Variants in FTCDNL1 observed in about 807,000 individuals in gnomAD.
The protein encoded by FTCDNL1 is formiminotransferase cyclodeaminase N-terminal like.
Under a neutral mutation model 5.9 loss-of-function variants are expected in FTCDNL1, and 11 were observed. That is an observed-to-expected ratio of 1.87 (90% CI 1.18 to 3.10). The LOEUF is 3.10. FTCDNL1 is among the 30% of genes most tolerant of loss of function. FTCDNL1 has a pLI of 0.00. For missense variants in FTCDNL1, 115 were observed against 65.5 expected (o/e 1.76, Z -2.61); for synonymous variants, 58 against 24.8 (o/e 2.34, Z -3.99).
chr2:199,818,824 G>A (rs1415772355), intron 4 of FTCDNL1: 1 of 152,068 alleles, frequency 6.6e-6, no homozygotes, highest in Non-Finnish European at 1.5e-5. Context: ...ATCAAAATGT[G>A]ACCTTACATG....
At chr2:199,730,948 G>T in the FTCDNL1 span, among the ~76,000 whole-genome samples, 1 of 152,142 alleles carries the variant, frequency 6.6e-6, no homozygotes, top group Non-Finnish European at 1.5e-5. Context: ...TAACCTAAAT[G>T]CCCATCAGTG....
chr2:199,756,828 C>T (rs555396551), downstream of FTCDNL1, among the ~76,000 whole-genome samples: 55 of 152,292 alleles, frequency 3.6e-4, no homozygotes, highest in Admixed American at 1.3e-3. Context: ...CCTCTTCATT[C>T]CAGAGCCCAG....
chr2:199,829,506 G>A (rs887148953), intron 3 of FTCDNL1, among the ~76,000 whole-genome samples: 1 of 152,176 alleles, frequency 6.6e-6, no homozygotes, highest in African/African-American at 2.4e-5. Flanking sequence ...AGAAGTTTAG[G>A]CTTCATATTC....
At chr2:199,714,125 G>A in the FTCDNL1 span, among the ~76,000 whole-genome samples, 1 of 152,164 alleles carries the variant, frequency 6.6e-6, no homozygotes, top group Non-Finnish European at 1.5e-5. Context: ...TCAGACTAGT[G>A]ATTTTGAGGA....
chr2:199,839,511 A>G (rs1285028802), intron 3 of FTCDNL1, among the ~76,000 whole-genome samples: 3 of 152,204 alleles, frequency 2.0e-5, no homozygotes, highest in African/African-American at 7.2e-5. Flanking sequence ...AACTGAGAAA[A>G]TGGAAGAAAT....
At chr2:199,792,775 T>G (rs80300166) in intron 3 of FTCDNL1, among the ~76,000 whole-genome samples, 546 of 152,270 alleles carry the variant, frequency 3.6e-3, no homozygotes, top group Non-Finnish European at 6.2e-3. Flanking sequence ...TCCAATTGCT[T>G]TCTAATGACT....
intron 3 of FTCDNL1, among the ~76,000 whole-genome samples, chr2:199,777,126 C>T (rs1486962604): frequency 6.6e-6 from 1 of 151,822 alleles, no homozygotes; most frequent in Non-Finnish European, 1.5e-5. Flanking sequence ...AACCCCGTCT[C>T]CACTAAAAAT....
Position 199,848,937 on chromosome 2 carries a change from C to A in FTCDNL1, c.26G>T (p.Arg9Leu). 1 of 702,120 alleles carries A rather than the reference C, an allele frequency of 1.4e-6. No individual in the cohort carries two copies. 43.5% of individuals were successfully genotyped at this position (702,120 alleles called of 1,614,324 possible). MSSSRVGLRLAACLLNVSE... is the reference protein window; with the variant it reads MSSSRVGLLLAACLLNVSE... ...AACGTTTAGTAAACAGGCAGCCAAA[C>A]GGAGCCCCACTCTGGAAGAAGACAT... Residue 9 changes from arginine (R) to leucine (L), a missense_variant, in exon 2 of 5, where the codon CGT (arginine) becomes CTT (leucine). Physicochemically the swap from Arg to Leu is moderately radical, Grantham distance 102 (BLOSUM62 -2). Transcript: ENST00000420128.
chr2:199,696,386 C>A, the FTCDNL1 span, among the ~76,000 whole-genome samples: 1 of 152,194 alleles, frequency 6.6e-6, no homozygotes. Context: ...AGCAACCTCC[C>A]TCCCCCTGCC....
At chr2:199,743,172 T>C in the FTCDNL1 span, among the ~76,000 whole-genome samples, 1 of 152,114 alleles carries the variant, frequency 6.6e-6, no homozygotes, top group Non-Finnish European at 1.5e-5. Flanking sequence ...CAACAGCCCA[T>C]GTGGATCTGT....
the FTCDNL1 span, among the ~76,000 whole-genome samples, chr2:199,680,966 G>A: frequency 1.3e-5 from 2 of 152,100 alleles, no homozygotes; most frequent in Non-Finnish European, 2.9e-5. Flanking sequence ...GCAGGGTTCT[G>A]GCTTCTTATA....
chr2:199,744,276 C>G, the FTCDNL1 span, among the ~76,000 whole-genome samples: 1 of 152,106 alleles, frequency 6.6e-6, no homozygotes, highest in Non-Finnish European at 1.5e-5. Flanking sequence ...AAACCTGAAC[C>G]CTCAATGTGA....
In FTCDNL1 at chr2:199,812,682, C is replaced by T. The variant is rs1191793681; in HGVS notation, c.*23G>A. 1.4e-6 allele frequency: 1 copy of T among 697,906 alleles called. No homozygotes were observed. The highest frequency in any genetic ancestry group is 2.6e-6 in the Non-Finnish European group (1 of 383,140). 43.2% of individuals were successfully genotyped at this position (697,906 alleles called of 1,614,324 possible). On this transcript the variant is annotated 3_prime_UTR_variant, in exon 5 of 5. Coordinates refer to ENST00000420128, the MANE Select transcript of FTCDNL1 (RefSeq NM_001363886.2). ...ATCCCCTCACTGCAAGGCTGAAATTCCAATTTTCTTCCAACACAACTGTCA... is the reference window on the plus strand; with the variant it reads ...ATCCCCTCACTGCAAGGCTGAAATTTCAATTTTCTTCCAACACAACTGTCA...
chr2:199,717,986 CAA>C, the FTCDNL1 span, among the ~76,000 whole-genome samples: 15,947 of 142,492 alleles, frequency 0.11, 1,929 homozygotes, highest in African/African-American at 0.29. Context: ...ACCAAAAAAA[CAA>C]AAAAAAAAAA....
At chr2:199,750,121 A>G in the FTCDNL1 span, among the ~76,000 whole-genome samples, 1 of 151,778 alleles carries the variant, frequency 6.6e-6, no homozygotes, top group Non-Finnish European at 1.5e-5. Flanking sequence ...TGGGAGGCTG[A>G]GGCAGGTGGA....
At chr2:199,728,468 T>G in the FTCDNL1 span, among the ~76,000 whole-genome samples, 10 of 152,240 alleles carry the variant, frequency 6.6e-5, no homozygotes, top group South Asian at 2.1e-3. Context: ...CAGGATGGTC[T>G]CGATCTCCTG....
intron 3 of FTCDNL1, among the ~76,000 whole-genome samples, chr2:199,771,722 C>G (rs1016559026): frequency 6.6e-6 from 1 of 152,156 alleles, no homozygotes; most frequent in African/African-American, 2.4e-5. Flanking sequence ...CACCCAATGA[C>G]AGCAAGCAAT....
At chr2:199,673,935 C>T in the FTCDNL1 span, among the ~76,000 whole-genome samples, 2 of 152,096 alleles carry the variant, frequency 1.3e-5, no homozygotes, top group Non-Finnish European at 2.9e-5. Flanking sequence ...ACTGAGATGT[C>T]ATTTGATTCA....
intron 3 of FTCDNL1, among the ~76,000 whole-genome samples, chr2:199,804,037 A>T (rs75322863): frequency 0.022 from 3,278 of 152,326 alleles, 38 homozygotes; most frequent in African/African-American, 0.028. Context: ...ATCTTTGTGA[A>T]ATAACAAAGT....
Sources: allele counts gnomAD v4.1 joint callset (sites outside exome capture counted in the v4.1 genomes callset), GRCh38; gene constraint gnomAD v4.1.1; transcripts MANE v1.5; gene names NCBI Gene and HGNC (gene_info 2026-07-23, HGNC 2026-07-21).